THSD7B: variants seen among roughly 807,000 people sequenced by gnomAD.
The protein encoded by THSD7B is thrombospondin type 1 domain containing 7B, also known as thrombospondin type-1 domain-containing protein 7B.
In THSD7B, 138 loss-of-function variants were observed where a neutral mutation model predicts 213.6. The ratio of observed to expected loss-of-function variants is 0.65; its 90% CI spans 0.56 to 0.74. THSD7B has a LOEUF of 0.74. THSD7B is among the 30% of genes least tolerant of loss of function. The probability of loss-of-function intolerance (pLI) is 0.00; values close to 1 mark genes in which losing one functional copy is unlikely to be tolerated. For synonymous variants in THSD7B, 742 were observed against 687.0 expected, an observed-to-expected ratio of 1.08 and a Z score of -1.25; for missense variants, 1,931 against 1,991.5, an observed-to-expected ratio of 0.97 and a Z score of 0.58.
intron 2 of THSD7B, among the ~76,000 whole-genome samples, chr2:136,973,460 TTTC>T (rs1466298452): frequency 3.3e-5 from 5 of 152,202 alleles, no homozygotes; most frequent in African/African-American, 1.2e-4. Flanking sequence ...CTGCACTTTT[TTTC>T]TTATAATGGG....
intron 14 of THSD7B, among the ~76,000 whole-genome samples, chr2:137,433,435 C>T (rs1240831986): frequency 6.6e-6 from 1 of 151,954 alleles, no homozygotes; most frequent in East Asian, 1.9e-4. Flanking sequence ...CTGCTCTCAA[C>T]AATCTCCACC....
Position 137,450,965 on chromosome 2 carries a change from T to C in THSD7B, c.3080T>C (p.Leu1027Pro). The C allele has an allele frequency of 6.2e-7, 1 of 1,612,448 alleles. No individual in the cohort carries two copies. The highest frequency in any genetic ancestry group is 1.3e-5 in the African/African-American group (1 of 74,996). Reference sequence around the variant, plus strand: ...GGAGTGAGAATTCGATCCAAATGGCTAAAAGAAAAACCTTACAATGGAGGA... The same window carrying C: ...GGAGTGAGAATTCGATCCAAATGGCCAAAAGAAAAACCTTACAATGGAGGA... ...GIGVRIRSKWLKEKPYNGGRP... is the reference protein window; with the variant it reads ...GIGVRIRSKWPKEKPYNGGRP... The change falls in exon 15 of 28, where the codon CTA becomes CCA. Residue 1027 changes from leucine to proline, a missense_variant. Leu to Pro is a moderately conservative substitution (Grantham distance 98). Transcript: ENST00000409968.
rs1426549541 is a variant in THSD7B, at chr2:137,412,623, A to AC, written c.2959+751_2959+752insC. On this transcript the variant is annotated intron_variant, in intron 14 of 27. Coordinates refer to ENST00000409968, the MANE Select transcript of THSD7B (RefSeq NM_001316349.2). ...AAAAAAAAAAAAACAAAAAAAAACA[A>AC]AAAACAGTTTTACTATATAAAGTAT... is the stretch of plus-strand genomic sequence containing the variant. Among the ~76,000 whole-genome samples, 311 of 126,244 alleles carry AC rather than the reference A, an allele frequency of 2.5e-3. 17 individuals are homozygous for AC. The highest frequency in any genetic ancestry group is 5.4e-3 in the African/African-American group (200 of 37,142). 82.8% of individuals were successfully genotyped at this position (126,244 alleles called of 152,430 possible).
intron 6 of THSD7B, among the ~76,000 whole-genome samples, chr2:137,165,055 G>A (rs945131560): frequency 2.6e-5 from 4 of 152,132 alleles, no homozygotes; most frequent in African/African-American, 7.2e-5. Flanking sequence ...TGAAAGAAAA[G>A]TGCTGAAGGA....
Position 137,048,255 on chromosome 2 carries a change from T to A in THSD7B, c.140-8165T>A, listed in dbSNP as rs188463608. ...CTACTCAGTTACAATGTTACTGCTA[T>A]TTCTCAGATTTTTTTTAAAAAAATG... On this transcript the variant is annotated intron_variant, in intron 2 of 27. Transcript: ENST00000409968. Among the ~76,000 whole-genome samples the A allele has an allele frequency of 8.6e-3, 1,312 of 152,354 alleles. 22 individuals are homozygous for A. Among genetic ancestry groups the A allele is most frequent in the Non-Finnish European group, 9.6e-3 (656 of 68,040 alleles).
intron 1 of THSD7B, among the ~76,000 whole-genome samples, chr2:136,843,399 A>G (rs1682949177): frequency 6.6e-6 from 1 of 152,204 alleles, no homozygotes; most frequent in East Asian, 1.9e-4. Flanking sequence ...GTATTCGTGA[A>G]TGTCCATTGT....
At chr2:137,411,907 A>G (rs1361832406) in intron 14 of THSD7B, 35 bp downstream of exon 14, 3 of 1,607,216 alleles carry the variant, frequency 1.9e-6, no homozygotes, top group Non-Finnish European at 2.6e-6. Flanking sequence ...AGATGAGAAC[A>G]CTCACACACA....
chr2:136,950,288 A>C (rs1685013669), intron 2 of THSD7B, among the ~76,000 whole-genome samples: 1 of 152,076 alleles, frequency 6.6e-6, no homozygotes, highest in South Asian at 2.1e-4. Context: ...AAAATAAATA[A>C]AAATAAACAC....
chr2:137,658,148 T>A (rs1261145350), intron 24 of THSD7B, among the ~76,000 whole-genome samples: 2 of 152,250 alleles, frequency 1.3e-5, no homozygotes, highest in African/African-American at 2.4e-5. Context: ...TCCTCCTTTT[T>A]CTTGTTTACT....
intron 12 of THSD7B, among the ~76,000 whole-genome samples, chr2:137,397,484 A>G: frequency 6.6e-6 from 1 of 151,766 alleles, no homozygotes. Flanking sequence ...AGAATGTTGA[A>G]TATTGGCCCC....
At chr2:137,140,261 A>G (rs1338291636) in intron 5 of THSD7B, among the ~76,000 whole-genome samples, 1 of 152,134 alleles carries the variant, frequency 6.6e-6, no homozygotes, top group Non-Finnish European at 1.5e-5. Flanking sequence ...GTCCTTCTTT[A>G]TAACAATTGC....
At chr2:137,238,914 T>A (rs1573905657) in intron 9 of THSD7B, among the ~76,000 whole-genome samples, 1 of 151,044 alleles carries the variant, frequency 6.6e-6, no homozygotes. Flanking sequence ...ATAGATGATT[T>A]GTGTGTATAT....
intron 9 of THSD7B, among the ~76,000 whole-genome samples, chr2:137,237,619 A>G (rs1573904750): frequency 6.6e-6 from 1 of 152,332 alleles, no homozygotes; most frequent in East Asian, 1.9e-4. Flanking sequence ...AAAGTTATCA[A>G]AAGTCTTTTC....
At chr2:136,835,192 A>G (rs186528488) in intron 1 of THSD7B, among the ~76,000 whole-genome samples, 18 of 152,366 alleles carry the variant, frequency 1.2e-4, no homozygotes, top group Middle Eastern at 3.4e-3. Flanking sequence ...CAGAAAACTG[A>G]CAGGTCATAC....
At chr2:137,554,888 A>T (rs1680923734) in intron 15 of THSD7B, among the ~76,000 whole-genome samples, 1 of 152,142 alleles carries the variant, frequency 6.6e-6, no homozygotes, top group Non-Finnish European at 1.5e-5. Context: ...TAAACAGCAC[A>T]CCAAATTATG....
At chr2:137,638,352 T>G (rs1303375332) in intron 20 of THSD7B, among the ~76,000 whole-genome samples, 1 of 152,156 alleles carries the variant, frequency 6.6e-6, no homozygotes, top group African/African-American at 2.4e-5. Context: ...TATCAGGGGT[T>G]TCCGCTTTTG....
intron 15 of THSD7B, among the ~76,000 whole-genome samples, chr2:137,491,216 C>G (rs547837413): frequency 6.6e-5 from 10 of 152,302 alleles, no homozygotes; most frequent in East Asian, 5.8e-4. Flanking sequence ...CTAACATACA[C>G]ACAGCTGTGT....
At chr2:137,511,902 G>T (rs1181822608) in intron 15 of THSD7B, among the ~76,000 whole-genome samples, 2 of 152,010 alleles carry the variant, frequency 1.3e-5, no homozygotes, top group African/African-American at 4.8e-5. Flanking sequence ...TTTGCCACCT[G>T]CCCTGAACTG....
chr2:137,574,044 A>T (rs1300523717), intron 17 of THSD7B, among the ~76,000 whole-genome samples: 3 of 152,124 alleles, frequency 2.0e-5, no homozygotes, highest in Non-Finnish European at 2.9e-5. Context: ...TAATCAACCT[A>T]TAGAAGAATT....
Sources: gnomAD v4.1 joint callset for allele counts (sites outside exome capture counted in the v4.1 genomes callset) on GRCh38, gnomAD v4.1.1 for gene constraint, MANE v1.5 for transcripts, NCBI Gene and HGNC (gene_info 2026-07-23, HGNC 2026-07-21) for gene names.